The following PTCH1 variants were observed in gnomAD, a reference collection of about 807,000 sequenced individuals.
The protein encoded by PTCH1 is protein patched homolog 1.
In PTCH1, 14 loss-of-function variants were observed where a neutral mutation model predicts 144.6. That is an observed-to-expected ratio of 0.10 (90% CI 0.06 to 0.15). PTCH1 has a LOEUF of 0.15. Among genes scored for constraint, PTCH1 ranks in the 10% least tolerant of loss-of-function variants. PTCH1 has a pLI of 1.00. For synonymous variants in PTCH1, 833 were observed against 793.6 expected (o/e 1.05, Z -0.83); for missense variants, 1,623 against 1,948.3 (o/e 0.83, Z 3.14).
At chr9:95,505,916 G>A (rs1343335213) in intron 2 of PTCH1, among the ~76,000 whole-genome samples, 2 of 146,686 alleles carry the variant, frequency 1.4e-5, no homozygotes, top group African/African-American at 4.9e-5. Flanking sequence ...GGCGGCCGCG[G>A]CCGCCGGGGG....
At chr9:95,487,709 T>C (rs1842077208) in intron 2 of PTCH1, among the ~76,000 whole-genome samples, 1 of 152,238 alleles carries the variant, frequency 6.6e-6, no homozygotes, top group Non-Finnish European at 1.5e-5. Context: ...TCACATCTAA[T>C]GCCACAAACC....
intron 3 of PTCH1, 138 bp downstream of exon 3, chr9:95,485,547 T>C (rs1297506211): frequency 1.9e-6 from 2 of 1,040,912 alleles, no homozygotes; most frequent in Non-Finnish European, 1.4e-6. Flanking sequence ...AATCCTTTCA[T>C]TGCAAAGCTA....
At chr9:95,497,676 C>A (rs1394617014) in intron 2 of PTCH1, among the ~76,000 whole-genome samples, 1 of 152,160 alleles carries the variant, frequency 6.6e-6, no homozygotes, top group Non-Finnish European at 1.5e-5. Context: ...CCTGTCTCTC[C>A]CCACCCTCCA....
At position 95,459,689 on chromosome 9, in the gene PTCH1, G is replaced by A. The variant is rs768558478; in HGVS notation, c.2798C>T (p.Ala933Val). Residue 933 changes from alanine to valine, a missense_variant, in exon 17 of 24, where the codon GCG (alanine) becomes GTG (valine). Physicochemically the swap from Ala to Val is moderately conservative, Grantham distance 64 (BLOSUM62 0). Around this residue, in one of 7 missense-constraint regions of PTCH1, gnomAD observed 504 missense variants for 679.3 expected, o/e 0.74. Coordinates refer to ENST00000331920, the MANE Select transcript of PTCH1 (RefSeq NM_000264.5). Reference protein sequence around the residue: ...LTAWVSNDPVAYAASQANIRP... With the variant: ...LTAWVSNDPVVYAASQANIRP... Reference sequence around the variant, plus strand: ...GATGTTGGCCTGGGAGGCAGCATACGCGACGGGGTCGTTGCTGACCCAAGC... The same window carrying A: ...GATGTTGGCCTGGGAGGCAGCATACACGACGGGGTCGTTGCTGACCCAAGC... The A allele has an allele frequency of 3.1e-6, 5 of 1,614,210 alleles. No homozygotes were observed. Among genetic ancestry groups the A allele is most frequent in the Non-Finnish European group, 3.4e-6 (4 of 1,180,036 alleles).
chr9:95,508,141 G>A lies in PTCH1; in HGVS notation c.201+20C>T. The A allele has an allele frequency of 2.5e-6, 4 of 1,612,226 alleles. No homozygotes were observed. The highest frequency in any genetic ancestry group is 3.4e-6 in the Non-Finnish European group (4 of 1,179,558). Reference sequence around the variant, plus strand: ...TTAGAGGAGGGAAGAGAAAGTGGGAGGAGAGAGTCTGAAATGCACCTTGGA... The same window carrying A: ...TTAGAGGAGGGAAGAGAAAGTGGGAAGAGAGAGTCTGAAATGCACCTTGGA... On this transcript the variant is annotated intron_variant, in intron 1 of 23. Transcript: ENST00000331920.
At chr9:95,447,747 C>A (rs1053237587) in intron 22 of PTCH1, among the ~76,000 whole-genome samples, 1 of 152,222 alleles carries the variant, frequency 6.6e-6, no homozygotes, top group Admixed American at 6.5e-5. Flanking sequence ...TGCTGCCCCC[C>A]ACAACCTGCC....
rs1182657633 is a variant in PTCH1, at chr9:95,480,513, T to C, written c.822A>G (p.Gln274=). ...FLEELKKINY[Q]VDSWEEMLNK... ...TCAGCATTTCCTCCCAGCTGTCCAC[T>C]TGATAGTTTATTTTCTTTAACTCTT... Residue 274 remains glutamine, a synonymous_variant, in exon 6 of 24, where the codon CAA becomes CAG. Transcript: ENST00000331920. 1.9e-6 allele frequency: 3 copies of C among 1,613,374 alleles called. No homozygotes were observed. Among genetic ancestry groups the C allele is most frequent in the Admixed American group, 1.7e-5 (1 of 59,902 alleles).
At position 95,447,617 on chromosome 9, in the gene PTCH1, C is replaced by T. The variant is rs56222079; in HGVS notation, c.3805-166G>A. ...AAAAGCCTGTCCTTCTAATAACCTC[C>T]AGGACCTGGCGGAGGAGCGTGTTGT... On this transcript the variant is annotated intron_variant, in intron 22 of 23. Coordinates refer to ENST00000331920, the MANE Select transcript of PTCH1 (RefSeq NM_000264.5). Among the ~76,000 whole-genome samples, 832 of 152,362 alleles carry T rather than the reference C, an allele frequency of 5.5e-3. 16 individuals are homozygous for T. The highest frequency in any genetic ancestry group is 0.05 in the East Asian group (259 of 5,178).
intron 16 of PTCH1, among the ~76,000 whole-genome samples, chr9:95,461,037 G>T (rs1051985847): frequency 1.3e-5 from 2 of 152,114 alleles, no homozygotes; most frequent in Non-Finnish European, 2.9e-5. Context: ...TTAGCATGAC[G>T]GTTTTCTGCC....
At chr9:95,473,047 C>A (rs760652985) in intron 12 of PTCH1, among the ~76,000 whole-genome samples, 3 of 152,180 alleles carry the variant, frequency 2.0e-5, no homozygotes, top group African/African-American at 4.8e-5. Flanking sequence ...CTAGACCAGA[C>A]AGAACAACAA....
chr9:95,480,933 G>A (rs1841489569), intron 5 of PTCH1, among the ~76,000 whole-genome samples: 9 of 151,364 alleles, frequency 5.9e-5, no homozygotes, highest in Admixed American at 5.9e-4. Context: ...AAAAGAGGGC[G>A]TCACAATATC....
exon 1 of PTCH1, chr9:95,516,758 G>C (rs1248095435): frequency 1.2e-6 from 2 of 1,613,342 alleles, no homozygotes; most frequent in Non-Finnish European, 1.7e-6. Context: ...GGCCGCCGGA[G>C]GCTTTCGGCG....
chr9:95,456,197 G>T (rs923932790), intron 19 of PTCH1, 79 bp downstream of exon 19: 2 of 1,593,962 alleles, frequency 1.3e-6, no homozygotes, highest in African/African-American at 1.3e-5. Context: ...AGAATGCAAG[G>T]TTCCCACTTG....
At chr9:95,461,196 C>T (rs186020947) in intron 16 of PTCH1, among the ~76,000 whole-genome samples, 53 of 152,180 alleles carry the variant, frequency 3.5e-4, no homozygotes, top group African/African-American at 1.2e-3. Flanking sequence ...ATCCAAATGG[C>T]AGCAAGAAGA....
chr9:95,507,337 C>T (rs1195751773), intron 1 of PTCH1: 1 of 985,402 alleles, frequency 1.0e-6, no homozygotes, highest in Non-Finnish European at 1.2e-6. Context: ...GGGCTCAGGC[C>T]GGCGCAGGCT....
chr9:95,515,509 C>T lies in PTCH1; in HGVS notation c.3+960G>A, dbSNP rs148540416. On this transcript the variant is annotated intron_variant, in intron 1 of 22. Transcript: ENST00000430669. Reference sequence around the variant, plus strand: ...TTCCCTGAGAGTGTGCTCATCCACACGCTAGCATCATTTTAAACATGAACG... The same window carrying T: ...TTCCCTGAGAGTGTGCTCATCCACATGCTAGCATCATTTTAAACATGAACG... 5.9e-5 allele frequency among the ~76,000 whole-genome samples: 9 copies of T among 152,316 alleles called. No individual in the cohort carries two copies. The East Asian group carries it at 1.4e-3, about 23-fold the overall frequency.
At chr9:95,480,270 G>T in intron 6 of PTCH1, 120 bp downstream of exon 6, 1 of 1,531,646 alleles carries the variant, frequency 6.5e-7, no homozygotes, top group Non-Finnish European at 9.0e-7. Context: ...TAGTTCCATA[G>T]ACAAAGACGA....
chr9:95,501,528 T>C (rs1312256547), intron 2 of PTCH1, among the ~76,000 whole-genome samples: 1 of 139,932 alleles, frequency 7.1e-6, no homozygotes, highest in Non-Finnish European at 1.5e-5. Flanking sequence ...AACAATTTCT[T>C]CTATTTTTCT....
At position 95,479,947 on chromosome 9, in the gene PTCH1, T is replaced by C. The variant is rs770492974; in HGVS notation, c.1067+22A>G. The C allele has an allele frequency of 1.6e-5, 26 of 1,614,032 alleles. No homozygotes were observed. In the Admixed American group the frequency reaches 1.8e-4, roughly 11 times the overall value. Reference sequence around the variant, plus strand: ...AAGGAAGAAGACTACAGGGCATAGATTGTCCTCGGGAGCTGGCTTACCTGA... The same window carrying C: ...AAGGAAGAAGACTACAGGGCATAGACTGTCCTCGGGAGCTGGCTTACCTGA... On this transcript the variant is annotated intron_variant, in intron 7 of 23. Transcript: ENST00000331920.
Sources: allele counts gnomAD v4.1 joint callset (sites outside exome capture counted in the v4.1 genomes callset), GRCh38; gene constraint gnomAD v4.1.1; regional missense constraint gnomAD v4.1.1; transcripts MANE v1.5; gene names NCBI Gene and HGNC (gene_info 2026-07-23, HGNC 2026-07-21).